The following ANKRD30A variants were observed in gnomAD, a reference collection of about 807,000 sequenced individuals.
The protein encoded by ANKRD30A is ankyrin repeat domain-containing protein 30A.
Under a neutral mutation model 166.3 loss-of-function variants are expected in ANKRD30A, and 170 were observed. That is an observed-to-expected ratio of 1.02 (90% CI 0.90 to 1.16). ANKRD30A has a LOEUF of 1.16. Ranked by LOEUF, ANKRD30A falls within the 50% of genes most tolerant of loss-of-function variation. The pLI, the probability that ANKRD30A is intolerant of heterozygous loss-of-function variation, is 0.00. For missense variants in ANKRD30A, 1,630 were observed against 1,518.0 expected (o/e 1.07, Z -1.23); for synonymous variants, 564 against 508.9 (o/e 1.11, Z -1.46).
chr10:37,166,312 G>C (rs565489451), intron 18 of ANKRD30A, among the ~76,000 whole-genome samples: 1 of 152,312 alleles, frequency 6.6e-6, no homozygotes, highest in East Asian at 1.9e-4. Context: ...ATTTTTAAGA[G>C]AGTTACTTTT....
Position 37,219,713 on chromosome 10 carries a change from A to G in ANKRD30A, c.4001A>G (p.Gln1334Arg), listed in dbSNP as rs1368438340. The G allele has an allele frequency of 1.9e-6, 3 of 1,609,252 alleles. No homozygotes were observed. The highest frequency in any genetic ancestry group is 1.3e-5 in the African/African-American group (1 of 74,540). The change falls in exon 34 of 36, where the codon CAA becomes CGA. Residue 1334 changes from glutamine to arginine, a missense_variant. Transcript: ENST00000361713. ...CTACAAAGCAAAAATATGTGGCTTC[A>G]ACAGCAATTAGTTCATGCACATAAG... ...FQLQSKNMWL[Q>R]QQLVHAHKKA...
intron 7 of ANKRD30A, among the ~76,000 whole-genome samples, chr10:37,142,644 G>A (rs1837228351): frequency 7.1e-6 from 1 of 140,670 alleles, no homozygotes; most frequent in Non-Finnish European, 1.5e-5. Context: ...GAGTGCAATG[G>A]CACGAGTGAT....
At position 37,130,233 on chromosome 10, in the gene ANKRD30A, C is replaced by T. The variant is rs771276375; in HGVS notation, c.365C>T (p.Ala122Val). ...CTACAATGCCATCAGGAGGCTTGTG[C>T]AAATATTCTGATAGATTCTGGTGCC... ...KALQCHQEAC[A>V]NILIDSGADI... The change falls in exon 3 of 36, where the codon GCA becomes GTA. Residue 122 changes from alanine (A) to valine (V), a missense_variant. Coordinates refer to ENST00000361713, the MANE Select transcript of ANKRD30A (RefSeq NM_052997.3). 6.3e-6 allele frequency: 10 copies of T among 1,598,020 alleles called. No homozygotes were observed. In the African/African-American group the frequency reaches 9.5e-5, roughly 15 times the overall value.
Position 37,162,898 on chromosome 10 carries a change from A to T in ANKRD30A, c.2002+50A>T, listed in dbSNP as rs186835497. ...AAAGACCAATATTTCAATATTGGACATTTTGATGGTCTTTCTGTACCCAAT... is the reference window on the plus strand; with the variant it reads ...AAAGACCAATATTTCAATATTGGACTTTTTGATGGTCTTTCTGTACCCAAT... On this transcript the variant is annotated intron_variant, in intron 17 of 35. Transcript: ENST00000361713. 7.0e-5 allele frequency: 111 copies of T among 1,586,040 alleles called. No homozygotes were observed. In the African/African-American group the frequency reaches 1.1e-3, roughly 16 times the overall value.
rs185456172 is a variant in ANKRD30A, at chr10:37,201,147, T to A, written c.2779-88T>A. 1.8e-3 allele frequency: 1,988 copies of A among 1,121,298 alleles called. 13 individuals carry two copies. Among genetic ancestry groups the A allele is most frequent in the African/African-American group, 0.015 (884 of 59,624 alleles). 69.5% of individuals were successfully genotyped at this position (1,121,298 alleles called of 1,614,324 possible). A position where few individuals can be genotyped will look rare whatever the true frequency, so the allele number is the denominator to read the frequency against. Reference sequence around the variant, plus strand: ...TTGCTTGCAAAATAGGACTTTTTTTTAAAAAAAGATTTTAATTAGGAAATT... The same window carrying A: ...TTGCTTGCAAAATAGGACTTTTTTTAAAAAAAAGATTTTAATTAGGAAATT... On this transcript the variant is annotated intron_variant, in intron 30 of 35. Coordinates refer to ENST00000361713, the MANE Select transcript of ANKRD30A (RefSeq NM_052997.3).
intron 1 of ANKRD30A, among the ~76,000 whole-genome samples, chr10:37,129,481 A>G (rs1389462689): frequency 6.6e-6 from 1 of 152,174 alleles, no homozygotes; most frequent in Non-Finnish European, 1.5e-5. Flanking sequence ...ACAATTACTG[A>G]GCTGTTACAT....
chr10:37,195,960 G>A (rs1018756979), intron 27 of ANKRD30A, among the ~76,000 whole-genome samples: 36 of 152,072 alleles, frequency 2.4e-4, no homozygotes, highest in Middle Eastern at 3.4e-3. Context: ...GAAGAAGAAG[G>A]AAAAGATAAA....
At chr10:37,193,974 A>C (rs1840831463) in intron 27 of ANKRD30A, among the ~76,000 whole-genome samples, 1 of 152,048 alleles carries the variant, frequency 6.6e-6, no homozygotes, top group East Asian at 1.9e-4. Context: ...GCAGACAGAT[A>C]AGTTAAGGTC....
intron 27 of ANKRD30A, among the ~76,000 whole-genome samples, chr10:37,194,342 A>C (rs2132667962): frequency 6.6e-6 from 1 of 150,662 alleles, no homozygotes; most frequent in African/African-American, 2.4e-5. Context: ...TTCTTTCTTC[A>C]GTTTTTTTGT....
At position 37,153,053 on chromosome 10, in the gene ANKRD30A, G is replaced by A. The variant is rs527529545; in HGVS notation, c.1708-519G>A. ...TGCTTATTTTAAGCCCCTGTTTACC[G>A]AAAGGAAGCAGCTTTTTCATATTCT... is the stretch of plus-strand genomic sequence containing the variant. On this transcript the variant is annotated intron_variant, in intron 12 of 35. Transcript: ENST00000361713. Among the ~76,000 whole-genome samples the A allele has an allele frequency of 5.9e-5, 9 of 152,092 alleles. No individual in the cohort carries two copies. The South Asian group carries it at 1.7e-3, about 28-fold the overall frequency.
At chr10:37,172,639 A>G (rs1413775611) in intron 21 of ANKRD30A, among the ~76,000 whole-genome samples, 5 of 137,254 alleles carry the variant, frequency 3.6e-5, no homozygotes, top group Non-Finnish European at 7.9e-5. Flanking sequence ...AGACTCTGAG[A>G]AGAACAGTTG....
At chr10:37,194,644 C>G (rs181997664) in intron 27 of ANKRD30A, among the ~76,000 whole-genome samples, 1 of 152,088 alleles carries the variant, frequency 6.6e-6, no homozygotes, top group South Asian at 2.1e-4. Context: ...CGTGCCCGGC[C>G]GATGTCTGAA....
chr10:37,137,563 C>T (rs140695863), intron 6 of ANKRD30A, among the ~76,000 whole-genome samples: 7 of 152,304 alleles, frequency 4.6e-5, no homozygotes, highest in Admixed American at 6.5e-5. Flanking sequence ...GCAAACGGCA[C>T]ACCAGGAGAT....
chr10:37,164,325 C>T (rs1477647655), intron 17 of ANKRD30A, among the ~76,000 whole-genome samples: 3 of 147,264 alleles, frequency 2.0e-5, no homozygotes, highest in African/African-American at 7.6e-5. Context: ...CCTGAGAACT[C>T]GTCAAGTCTT....
downstream of ANKRD30A, among the ~76,000 whole-genome samples, chr10:37,235,235 A>G (rs1026236748): frequency 3.3e-5 from 5 of 152,088 alleles, no homozygotes; most frequent in African/African-American, 1.2e-4. Flanking sequence ...TTCTTCTTTT[A>G]TTCATTTTTC....
At chr10:37,260,764 T>C in the ANKRD30A span, among the ~76,000 whole-genome samples, 11 of 152,288 alleles carry the variant, frequency 7.2e-5, no homozygotes, top group African/African-American at 2.6e-4. Flanking sequence ...CTACCCAGCC[T>C]GTGAGCCACA....
chr10:37,249,153 ATT>A, the ANKRD30A span, among the ~76,000 whole-genome samples: 1 of 152,170 alleles, frequency 6.6e-6, no homozygotes, highest in Non-Finnish European at 1.5e-5. Context: ...TGAGCCGGAT[ATT>A]CCTGATGGGT....
intron 31 of ANKRD30A, among the ~76,000 whole-genome samples, chr10:37,213,638 G>C (rs1842458364): frequency 6.8e-6 from 1 of 146,756 alleles, no homozygotes. Context: ...ATTCAGTGCT[G>C]AAAATTTTAA....
At chr10:37,234,234 TG>T (rs1843573521), downstream of ANKRD30A, among the ~76,000 whole-genome samples, 1 of 152,200 alleles carries the variant, frequency 6.6e-6, no homozygotes, top group South Asian at 2.1e-4. Flanking sequence ...ACTTTTACTT[TG>T]TTTTTTTATT....
Sources: allele counts gnomAD v4.1 joint callset (sites outside exome capture counted in the v4.1 genomes callset), GRCh38; gene constraint gnomAD v4.1.1; transcripts MANE v1.5; gene names NCBI Gene and HGNC (gene_info 2026-07-23, HGNC 2026-07-21).